Variants in PTPN9 observed in about 807,000 individuals in gnomAD.
PTPN9 encodes protein tyrosine phosphatase non-receptor type 9.
Under a neutral mutation model 69.8 loss-of-function variants are expected in PTPN9, and 26 were observed. The observed-to-expected ratio is 0.37, with a 90% CI of 0.27 to 0.52. The LOEUF (loss-of-function observed/expected upper bound fraction) is 0.52. PTPN9 is among the 20% of genes least tolerant of loss of function. PTPN9 has a pLI of 0.91. For missense variants in PTPN9, 549 were observed against 740.3 expected, an observed-to-expected ratio of 0.74 and a Z score of 3.00; for synonymous variants, 274 against 272.5, an observed-to-expected ratio of 1.01 and a Z score of -0.05.
intron 1 of PTPN9, among the ~76,000 whole-genome samples, chr15:75,559,471 C>T (rs922617222): frequency 2.6e-5 from 4 of 152,114 alleles, no homozygotes; most frequent in Admixed American, 6.5e-5. Flanking sequence ...GTGACCTTGC[C>T]CCCAGCCCGA....
At chr15:75,549,606 G>C (rs557017078) in intron 1 of PTPN9, among the ~76,000 whole-genome samples, 1 of 152,152 alleles carries the variant, frequency 6.6e-6, no homozygotes, top group East Asian at 1.9e-4. Flanking sequence ...ACAAAAAACA[G>C]AAGGCATAGT....
At chr15:75,555,630 G>C (rs916242221) in intron 1 of PTPN9, among the ~76,000 whole-genome samples, 10 of 151,834 alleles carry the variant, frequency 6.6e-5, no homozygotes, top group African/African-American at 2.4e-4. Flanking sequence ...TCAGCCTCCT[G>C]AGTAGCTGGG....
At chr15:75,507,171 C>T (rs1223439004) in intron 6 of PTPN9, among the ~76,000 whole-genome samples, 3 of 152,152 alleles carry the variant, frequency 2.0e-5, no homozygotes, top group Non-Finnish European at 4.4e-5. Flanking sequence ...CCAGCTGGCA[C>T]GGTGGCTCAT....
chr15:75,498,750 G>A lies in PTPN9; in HGVS notation c.968+6925C>T, dbSNP rs191819934. 1.4e-4 allele frequency among the ~76,000 whole-genome samples: 22 copies of A among 152,006 alleles called. No homozygotes were observed. The East Asian group carries it at 4.1e-3, about 28-fold the overall frequency. ...GTAAATAAAAATAAAAATATTGATCGCTTCTCAGTCTTTTGGCTAAGATCA... is the reference window on the plus strand; with the variant it reads ...GTAAATAAAAATAAAAATATTGATCACTTCTCAGTCTTTTGGCTAAGATCA... On this transcript the variant is annotated intron_variant, in intron 7 of 12. Coordinates refer to ENST00000618819, the MANE Select transcript of PTPN9 (RefSeq NM_002833.4).
chr15:75,569,431 A>T (rs1260255302), intron 1 of PTPN9, among the ~76,000 whole-genome samples: 1 of 152,050 alleles, frequency 6.6e-6, no homozygotes, highest in African/African-American at 2.4e-5. Context: ...CTGGCCAGGC[A>T]TGGTGGCTCA....
intron 1 of PTPN9, among the ~76,000 whole-genome samples, chr15:75,535,248 G>A (rs1214852506): frequency 2.0e-5 from 3 of 152,074 alleles, no homozygotes; most frequent in South Asian, 2.1e-4. Flanking sequence ...CACCTGCCTC[G>A]GCCTCCCAAA....
chr15:75,490,792 T>A (rs2074705071), intron 7 of PTPN9, among the ~76,000 whole-genome samples: 1 of 152,010 alleles, frequency 6.6e-6, no homozygotes, highest in South Asian at 2.1e-4. Flanking sequence ...GCCCAGCTAA[T>A]TTTTTTGTAT....
chr15:75,525,288 C>T (rs146021902), intron 2 of PTPN9, among the ~76,000 whole-genome samples: 369 of 151,690 alleles, frequency 2.4e-3, no homozygotes, highest in African/African-American at 8.5e-3. Context: ...GCAACCTCCA[C>T]GTCCAAGAGA....
intron 4 of PTPN9, among the ~76,000 whole-genome samples, chr15:75,522,656 C>T (rs1190262662): frequency 6.6e-6 from 1 of 152,124 alleles, no homozygotes; most frequent in Admixed American, 6.6e-5. Context: ...CCACCTGCTT[C>T]AGCCTCCCAA....
At chr15:75,540,251 T>C (rs2075002303) in intron 1 of PTPN9, among the ~76,000 whole-genome samples, 2 of 152,148 alleles carry the variant, frequency 1.3e-5, no homozygotes, top group South Asian at 2.1e-4. Context: ...TTGAGTGCAC[T>C]GTAAATACTT....
intron 5 of PTPN9, among the ~76,000 whole-genome samples, chr15:75,511,066 G>A (rs886230015): frequency 7.9e-5 from 12 of 152,220 alleles, no homozygotes; most frequent in African/African-American, 2.9e-4. Context: ...TTCTAAGGCT[G>A]AATAATATTT....
chr15:75,470,905 G>A, intron 10 of PTPN9, 75 bp from the exon 11 acceptor site: 1 of 1,534,662 alleles, frequency 6.5e-7, no homozygotes, highest in Admixed American at 2.0e-5. Flanking sequence ...CCAAAGACCT[G>A]ATATACCCCC....
At chr15:75,475,072 C>A (rs1391043693) in intron 9 of PTPN9, among the ~76,000 whole-genome samples, 1 of 152,186 alleles carries the variant, frequency 6.6e-6, no homozygotes, top group Non-Finnish European at 1.5e-5. Context: ...TGGATCTATA[C>A]AGGTTGACCA....
intron 7 of PTPN9, among the ~76,000 whole-genome samples, chr15:75,496,490 A>T (rs2074742590): frequency 7.6e-6 from 1 of 131,248 alleles, no homozygotes; most frequent in Non-Finnish European, 1.6e-5. Context: ...CACTAAAAGT[A>T]TTATTAACTT....
rs747532714 is a variant in PTPN9 at position 75,523,233 on chromosome 15, G to T, written c.310C>A (p.Pro104Thr). 19 of 1,611,954 alleles carry T rather than the reference G, an allele frequency of 1.2e-5. No homozygotes were observed. The South Asian group carries it at 2.1e-4, about 18-fold the overall frequency. Residue 104 changes from proline (P) to threonine (T), a missense_variant, in exon 4 of 13, where the codon CCA becomes ACA. By Grantham distance (38) the Pro-to-Thr change is conservative (BLOSUM62 -1). Transcript: ENST00000618819. The stretch of plus-strand genomic sequence containing the variant: ...AAGAGGGCAATGGAGGCTCCTGTTG[G>T]GTCCCGAACATTCTAAAGCAAATAA... The part of the protein sequence containing the change: ...GKFTILNVRD[P>T]TGASIALFTA...
chr15:75,560,250 T>C lies in PTPN9; in HGVS notation c.63+18464A>G, dbSNP rs191614964. ...CAGTTTCCGGAAATGTCTAATGGTT[T>C]CTCTAGAGCATTTAGAAATTAATCT... On this transcript the variant is annotated intron_variant, in intron 1 of 12. Transcript: ENST00000618819. Among the ~76,000 whole-genome samples the C allele has an allele frequency of 1.1e-4, 17 of 152,306 alleles. No individual in the cohort carries two copies. The East Asian group carries it at 2.7e-3, about 24-fold the overall frequency.
At chr15:75,519,938 G>C (rs1243274469) in intron 4 of PTPN9, among the ~76,000 whole-genome samples, 1 of 152,138 alleles carries the variant, frequency 6.6e-6, no homozygotes, top group East Asian at 2.0e-4. Flanking sequence ...AGACCAGCCT[G>C]GTCAACAGAG....
At chr15:75,492,746 G>A (rs535332187) in intron 7 of PTPN9, among the ~76,000 whole-genome samples, 3 of 152,158 alleles carry the variant, frequency 2.0e-5, no homozygotes, top group Non-Finnish European at 4.4e-5. Context: ...GTTCATCACT[G>A]TCTGCTTTTG....
At chr15:75,480,026 G>A (rs1001500418) in intron 8 of PTPN9, 112 bp from the exon 9 acceptor site, 3 of 702,770 alleles carry the variant, frequency 4.3e-6, no homozygotes, top group Non-Finnish European at 6.9e-6. Flanking sequence ...TTCTTGTTGA[G>A]CAGAAAATGA....
Sources: gnomAD v4.1 joint callset for allele counts (sites outside exome capture counted in the v4.1 genomes callset) on GRCh38, gnomAD v4.1.1 for gene constraint, MANE v1.5 for transcripts, NCBI Gene and HGNC (gene_info 2026-07-23, HGNC 2026-07-21) for gene names.